Variants in UBTFL1 observed in about 807,000 individuals in gnomAD.
UBTFL1 encodes the protein upstream binding transcription factor like 1, also known as upstream-binding factor 1-like protein 1.
A neutral mutation model predicts 34.1 loss-of-function variants in UBTFL1; 9 were observed. The ratio of observed to expected loss-of-function variants is 0.26; its 90% CI spans 0.16 to 0.46. The LOEUF (loss-of-function observed/expected upper bound fraction) is 0.46. UBTFL1 is among the 20% of genes least tolerant of loss of function. UBTFL1 has a pLI of 1.00. For synonymous variants in UBTFL1, 56 were observed against 141.6 expected, an observed-to-expected ratio of 0.40 and a Z score of 4.29; for missense variants, 146 against 418.4, an observed-to-expected ratio of 0.35 and a Z score of 5.68.
rs1436223780 is a variant in UBTFL1 at position 90,086,676 on chromosome 11, C to A, written c.727C>A (p.Gln243Lys). 4 of 1,423,860 alleles carry A rather than the reference C, an allele frequency of 2.8e-6. 1 individual carries two copies. In the African/African-American group the frequency reaches 6.7e-5, roughly 24 times the overall value. 88.2% of individuals were successfully genotyped at this position (1,423,860 alleles called of 1,614,324 possible). The change falls in exon 1 of 1, where the codon CAA becomes AAA. Residue 243 changes from glutamine to lysine, a missense_variant. This residue lies in a region of UBTFL1 where 36 missense variants were observed against 93.7 expected (regional missense o/e 0.38). Transcript: ENST00000530464. ...AGATTCCTGGTCAAGTAAAGAGATG[C>A]AACATTTGTCAGTGAGGGAGCGCAT... is the stretch of plus-strand genomic sequence containing the variant. ...HQDSWSSKEM[Q>K]HLSVRERMVE...
At position 90,086,710 on chromosome 11, in the gene UBTFL1, T is replaced by C. The variant is rs772025787; in HGVS notation, c.761T>C (p.Ile254Thr). ...HLSVRERMVE[I>T]GRRWQRIPQS... ...TCAGTGAGGGAGCGCATGGTAGAGATTGGCAGACGCTGGCAGCGCATCCCG... is the reference window on the plus strand; with the variant it reads ...TCAGTGAGGGAGCGCATGGTAGAGACTGGCAGACGCTGGCAGCGCATCCCG... Residue 254 changes from isoleucine (I) to threonine (T), a missense_variant, in exon 1 of 1, where the codon ATT (isoleucine) becomes ACT (threonine). Coordinates refer to ENST00000530464, the MANE Select transcript of UBTFL1 (RefSeq NM_001143975.1). 2.7e-6 allele frequency: 4 copies of C among 1,499,028 alleles called. No homozygotes were observed. The African/African-American group carries it at 4.5e-5, about 17-fold the overall frequency. The allele number at this position is 1,499,028 out of a possible 1,614,324, so 92.9% of individuals were successfully genotyped here. A position where few individuals can be genotyped will look rare whatever the true frequency, so the allele number is the denominator to read the frequency against.
Position 90,086,525 on chromosome 11 carries a change from A to G in UBTFL1, c.576A>G (p.Gln192=), listed in dbSNP as rs1156829691. ...SVSKRTQNKV[Q]KKFQKNIEEV... ...CCAAGAGGACTCAAAACAAAGTGCA[A>G]AAGAAGTTTCAGAAAAATATTGAAG... The change falls in exon 1 of 1, where the codon CAA becomes CAG. Residue 192 remains glutamine, a synonymous_variant. Transcript: ENST00000530464. The G allele has an allele frequency of 7.1e-7, 1 of 1,408,800 alleles. No homozygotes were observed. The highest frequency in any genetic ancestry group is 9.7e-7 in the Non-Finnish European group (1 of 1,027,102). The allele number at this position is 1,408,800 out of a possible 1,614,324, so 87.3% of individuals were successfully genotyped here. A position where few individuals can be genotyped will look rare whatever the true frequency, so the allele number is the denominator to read the frequency against.
At position 90,086,478 on chromosome 11, in the gene UBTFL1, A is replaced by G. The variant is rs756446148; in HGVS notation, c.529A>G (p.Lys177Glu). 26 of 1,449,720 alleles carry G rather than the reference A, an allele frequency of 1.8e-5. No individual in the cohort carries two copies. The African/African-American group carries it at 3.6e-4, about 20-fold the overall frequency. The allele number at this position is 1,449,720 out of a possible 1,614,324, so 89.8% of individuals were successfully genotyped here. A position where few individuals can be genotyped will look rare whatever the true frequency, so the allele number is the denominator to read the frequency against. ...FREEHPDLVQKAKKSSVSKRT... is the reference protein window; with the variant it reads ...FREEHPDLVQEAKKSSVSKRT... ...GGAAGAACACCCTGATTTAGTCCAG[A>G]AGGCCAAGAAATCTAGTGTCTCCAA... Residue 177 changes from lysine (K) to glutamate (E), a missense_variant, in exon 1 of 1, where the codon AAG (lysine) becomes GAG (glutamate). Lys to Glu is a moderately conservative substitution (Grantham distance 56). Transcript: ENST00000530464.
chr11:90,086,145 A>T lies in UBTFL1; in HGVS notation c.196A>T (p.Asn66Tyr), dbSNP rs1259188970. The change falls in exon 1 of 1, where the codon AAC becomes TAC. Residue 66 changes from asparagine (N) to tyrosine (Y), a missense_variant. This residue lies in a region of UBTFL1 where 82 missense variants were observed against 133.3 expected (regional missense o/e 0.62). Coordinates refer to ENST00000530464, the MANE Select transcript of UBTFL1 (RefSeq NM_001143975.1). ...ACTCAAATGGTTAGAGATTTCTTGCAACTTGAGAAAATTCGGCACTTTGAA... is the reference window on the plus strand; with the variant it reads ...ACTCAAATGGTTAGAGATTTCTTGCTACTTGAGAAAATTCGGCACTTTGAA... ...CRLKWLEISC[N>Y]LRKFGTLKEL... 1 of 1,534,024 alleles carries T rather than the reference A, an allele frequency of 6.5e-7. No individual in the cohort carries two copies. The highest frequency in any genetic ancestry group is 2.1e-5 in the Admixed American group (1 of 47,136).
In UBTFL1 at chr11:90,086,506, G is replaced by A. The variant is rs1213035130; in HGVS notation, c.557G>A (p.Arg186Lys). 1 of 1,409,318 alleles carries A rather than the reference G, an allele frequency of 7.1e-7. No homozygotes were observed. Among genetic ancestry groups the A allele is most frequent in the South Asian group, 1.2e-5 (1 of 82,966 alleles). 87.3% of individuals were successfully genotyped at this position (1,409,318 alleles called of 1,614,324 possible). ...QKAKKSSVSK[R>K]TQNKVQKKFQ... Reference sequence around the variant, plus strand: ...GCCAAGAAATCTAGTGTCTCCAAGAGGACTCAAAACAAAGTGCAAAAGAAG... The same window carrying A: ...GCCAAGAAATCTAGTGTCTCCAAGAAGACTCAAAACAAAGTGCAAAAGAAG... Residue 186 changes from arginine to lysine, a missense_variant, in exon 1 of 1, where the codon AGG (arginine) becomes AAG (lysine). Coordinates refer to ENST00000530464, the MANE Select transcript of UBTFL1 (RefSeq NM_001143975.1).
rs762819635 is a variant in UBTFL1, at chr11:90,086,152, G to C, written c.203G>C (p.Arg68Thr). 14 of 1,533,548 alleles carry C rather than the reference G, an allele frequency of 9.1e-6. 1 individual carries two copies. The South Asian group carries it at 1.6e-4, about 18-fold the overall frequency. The allele number at this position is 1,533,548 out of a possible 1,614,324, so 95.0% of individuals were successfully genotyped here. Residue 68 changes from arginine to threonine, a missense_variant, in exon 1 of 1, where the codon AGA becomes ACA. By Grantham distance (71) the Arg-to-Thr change is moderately conservative. Around this residue, in one of 6 missense-constraint regions of UBTFL1, gnomAD observed 82 missense variants for 133.3 expected, o/e 0.62. Transcript: ENST00000530464. ...LKWLEISCNLRKFGTLKELVL... is the reference protein window; with the variant it reads ...LKWLEISCNLTKFGTLKELVL... ...TGGTTAGAGATTTCTTGCAACTTGA[G>C]AAAATTCGGCACTTTGAAAGAATTA... is the stretch of plus-strand genomic sequence containing the variant.
Sources: allele counts gnomAD v4.1 joint callset, GRCh38; gene constraint gnomAD v4.1.1; regional missense constraint gnomAD v4.1.1; transcripts MANE v1.5; gene names NCBI Gene and HGNC (gene_info 2026-07-23, HGNC 2026-07-21).